Variants in STAU1 observed in about 807,000 individuals in gnomAD.
The protein encoded by STAU1 is double-stranded RNA-binding protein Staufen homolog 1.
Under a neutral mutation model 62.9 loss-of-function variants are expected in STAU1, and 13 were observed. That is an observed-to-expected ratio of 0.21 (90% CI 0.13 to 0.33). STAU1 has a LOEUF of 0.33. STAU1 is among the 10% of genes least tolerant of loss of function. The probability of loss-of-function intolerance (pLI) is 1.00; values close to 1 mark genes in which losing one functional copy is unlikely to be tolerated. For missense variants in STAU1, 571 were observed against 712.1 expected (o/e 0.80, Z 2.25); for synonymous variants, 269 against 265.1 (o/e 1.01, Z -0.14).
In STAU1 at chr20:49,117,155, C is replaced by T. The variant is rs1484572332; in HGVS notation, c.1603G>A (p.Gly535Ser). 5.0e-6 allele frequency: 8 copies of T among 1,614,080 alleles called. No homozygotes were observed. The highest frequency in any genetic ancestry group is 2.2e-5 in the South Asian group (2 of 91,068). ...TCATGGCAGGACTCCACATCCTTGCCGATACCATGGCTGATCAGAGGTGGC... is the reference window on the plus strand; with the variant it reads ...TCATGGCAGGACTCCACATCCTTGCTGATACCATGGCTGATCAGAGGTGGC... ...SQPPLISHGI[G>S]KDVESCHDMA... The change falls in exon 12 of 14, where the codon GGC (glycine) becomes AGC (serine). Residue 535 changes from glycine to serine, a missense_variant. Gly to Ser is a moderately conservative substitution (Grantham distance 56). Around this residue, in one of 3 missense-constraint regions of STAU1, gnomAD observed 156 missense variants for 194.7 expected, o/e 0.80. Transcript: ENST00000371856. The surrounding 1 kb of genome is among the most constrained non-coding windows in gnomAD (Gnocchi z 4.6).
At chr20:49,185,605 T>G (rs772251443) in intron 1 of STAU1, among the ~76,000 whole-genome samples, 1 of 152,174 alleles carries the variant, frequency 6.6e-6, no homozygotes, top group Non-Finnish European at 1.5e-5. Flanking sequence ...GACACAATGT[T>G]TAAGATTTGT....
the STAU1 span, among the ~76,000 whole-genome samples, chr20:49,194,445 AAAG>A: frequency 7.9e-4 from 115 of 146,264 alleles, 3 homozygotes; most frequent in East Asian, 2.9e-3. Context: ...AAAAAAAAAA[AAAG>A]AAAAGAAAAA....
At position 49,114,272 on chromosome 20, in the gene STAU1, A is replaced by G. The variant is rs1431963208; in HGVS notation, c.*606T>C. The G allele has an allele frequency of 6.5e-6, 1 of 152,732 alleles. No individual in the cohort carries two copies. Among genetic ancestry groups the G allele is most frequent in the Non-Finnish European group, 1.5e-5 (1 of 68,108 alleles). 9.5% of individuals were successfully genotyped at this position (152,732 alleles called of 1,614,324 possible). ...TGAAAATTTTATATAGTGTCATATCAATCAAAAGAAAATAATGAAACTAAG... is the reference window on the plus strand; with the variant it reads ...TGAAAATTTTATATAGTGTCATATCGATCAAAAGAAAATAATGAAACTAAG... On this transcript the variant is annotated 3_prime_UTR_variant, in exon 14 of 14. Coordinates refer to ENST00000371856, the MANE Select transcript of STAU1 (RefSeq NM_017453.4).
chr20:49,186,295 G>A (rs1003880854), intron 1 of STAU1, among the ~76,000 whole-genome samples: 27 of 150,674 alleles, frequency 1.8e-4, no homozygotes, highest in Non-Finnish European at 1.8e-4. Context: ...GAAATGAGCC[G>A]AAATCGCGCC....
At chr20:49,168,209 T>C (rs1355333084) in intron 2 of STAU1, among the ~76,000 whole-genome samples, 1 of 152,000 alleles carries the variant, frequency 6.6e-6, no homozygotes, top group East Asian at 1.9e-4. Flanking sequence ...GTCTCCCAAG[T>C]AGCTAGGATT....
chr20:49,163,823 A>G (rs570227290), intron 3 of STAU1, among the ~76,000 whole-genome samples: 2 of 152,004 alleles, frequency 1.3e-5, no homozygotes, highest in Non-Finnish European at 2.9e-5. Flanking sequence ...GGAGTAAGAC[A>G]GCACGATCAC....
chr20:49,206,968 A>C, the STAU1 span, among the ~76,000 whole-genome samples: 94 of 151,366 alleles, frequency 6.2e-4, no homozygotes, highest in Middle Eastern at 6.8e-3. Context: ...GTTGGCCAGG[A>C]TAGTCTTGAT....
At chr20:49,142,082 T>A (rs865990554) in intron 5 of STAU1, among the ~76,000 whole-genome samples, 3 of 111,536 alleles carry the variant, frequency 2.7e-5, no homozygotes, top group Admixed American at 1.7e-4. Flanking sequence ...CAACAACAAA[T>A]ATTTATTTTT....
At chr20:49,206,719 T>TTATATATATATATATATA in the STAU1 span, among the ~76,000 whole-genome samples, 344 of 105,890 alleles carry the variant, frequency 3.2e-3, no homozygotes, top group East Asian at 7.5e-3. Context: ...AAATGAAATT[T>TTATATATATATATATATA]TATATATATA....
chr20:49,130,686 C>G (rs1208759850), intron 6 of STAU1, among the ~76,000 whole-genome samples: 1 of 152,126 alleles, frequency 6.6e-6, no homozygotes, highest in Admixed American at 6.5e-5. Context: ...CTTGGAAATG[C>G]CAAAAATCAT....
At chr20:49,201,087 AAAAG>A in the STAU1 span, among the ~76,000 whole-genome samples, 1 of 147,416 alleles carries the variant, frequency 6.8e-6, no homozygotes, top group Non-Finnish European at 1.5e-5. Context: ...GAAGAAGAAG[AAAAG>A]AAAAGAAAAG....
Position 49,134,822 on chromosome 20 carries a change from G to A in STAU1, c.609+1011C>T, listed in dbSNP as rs1022910533. 145 of 1,455,110 alleles carry A rather than the reference G, an allele frequency of 1.0e-4. 1 individual carries two copies. The highest frequency in any genetic ancestry group is 1.3e-4 in the South Asian group (11 of 87,820). The allele number at this position is 1,455,110 out of a possible 1,614,324, so 90.1% of individuals were successfully genotyped here. A position where few individuals can be genotyped will look rare whatever the true frequency, so the allele number is the denominator to read the frequency against. On this transcript the variant is annotated intron_variant, in intron 6 of 13. Transcript: ENST00000371856. ...TGGAGAGCCTGGTTTTCCACTTCACGCAATTTATACCAAACCTGCAAACAA... is the reference window on the plus strand; with the variant it reads ...TGGAGAGCCTGGTTTTCCACTTCACACAATTTATACCAAACCTGCAAACAA...
intron 1 of STAU1, among the ~76,000 whole-genome samples, chr20:49,174,503 T>C (rs1330057808): frequency 6.7e-6 from 1 of 149,484 alleles, no homozygotes; most frequent in Non-Finnish European, 1.5e-5. Flanking sequence ...GCAGACCACC[T>C]GAGACCCGGA....
At chr20:49,127,301 C>T (rs6066973) in intron 6 of STAU1, among the ~76,000 whole-genome samples, 3 of 152,096 alleles carry the variant, frequency 2.0e-5, no homozygotes, top group Non-Finnish European at 2.9e-5. Context: ...TTGCAGTGAG[C>T]TGAGATGGCA....
chr20:49,208,526 G>A, the STAU1 span, among the ~76,000 whole-genome samples: 5 of 151,550 alleles, frequency 3.3e-5, no homozygotes, highest in Admixed American at 3.3e-4. Flanking sequence ...TTGCCTGAGA[G>A]TCACTAAGAA....
chr20:49,189,668 C>A (rs1375971757), upstream of STAU1, among the ~76,000 whole-genome samples: 1 of 149,696 alleles, frequency 6.7e-6, no homozygotes, highest in Non-Finnish European at 1.5e-5. Context: ...GCACACTCAG[C>A]GAAAATTATG....
At position 49,153,917 on chromosome 20, in the gene STAU1, A is replaced by C. The variant is rs1242973254; in HGVS notation, c.344+16T>G. On this transcript the variant is annotated intron_variant, in intron 4 of 13. Coordinates refer to ENST00000371856, the MANE Select transcript of STAU1 (RefSeq NM_017453.4). The stretch of plus-strand genomic sequence containing the variant: ...TCTCCTGTATTTTACAAAAAAAAAA[A>C]AAAAAAAACACATACCTCGGGGGAT... 10 of 1,550,736 alleles carry C rather than the reference A, an allele frequency of 6.4e-6. No homozygotes were observed. The highest frequency in any genetic ancestry group is 4.5e-5 in the East Asian group (2 of 44,062).
At chr20:49,122,486 C>A (rs1357370777) in intron 8 of STAU1, among the ~76,000 whole-genome samples, 1 of 152,204 alleles carries the variant, frequency 6.6e-6, no homozygotes, top group African/African-American at 2.4e-5. Context: ...GTGCACCCAG[C>A]AGTAGTGCTG....
chr20:49,194,429 C>CAAAAAAAA, the STAU1 span, among the ~76,000 whole-genome samples: 1 of 81,156 alleles, frequency 1.2e-5, no homozygotes, highest in Admixed American at 1.4e-4. Context: ...AACTCCGTCT[C>CAAAAAAAA]AAAAAAAAAA....
Sources: gnomAD v4.1 joint callset for allele counts (sites outside exome capture counted in the v4.1 genomes callset) on GRCh38, gnomAD v4.1.1 for gene constraint, gnomAD v4.1.1 regional missense constraint, Gnocchi (gnomAD v3.1) non-coding constraint, MANE v1.5 for transcripts, NCBI Gene and HGNC (gene_info 2026-07-23, HGNC 2026-07-21) for gene names.